The following SPIRE1 variants were observed in gnomAD, a reference collection of about 807,000 sequenced individuals.
The protein encoded by SPIRE1 is spire type actin nucleation factor 1, also known as protein spire homolog 1.
A neutral mutation model predicts 94.1 loss-of-function variants in SPIRE1; 40 were observed. The ratio of observed to expected loss-of-function variants is 0.43; its 90% CI spans 0.33 to 0.55. SPIRE1 has a LOEUF of 0.55. Ranked by LOEUF, SPIRE1 falls within the 20% of genes least tolerant of loss-of-function variation. SPIRE1 has a pLI of 0.06. For synonymous variants in SPIRE1, 376 were observed against 371.7 expected (o/e 1.01, Z -0.13); for missense variants, 838 against 975.2 (o/e 0.86, Z 1.87).
chr18:12,537,333 T>C (rs1179785373), intron 3 of SPIRE1, among the ~76,000 whole-genome samples: 1 of 152,244 alleles, frequency 6.6e-6, no homozygotes, highest in Non-Finnish European at 1.5e-5. Context: ...ACCCTAATCT[T>C]ACATTCCAGT....
At chr18:12,452,748 T>G in intron 14 of SPIRE1, 1 of 608,718 alleles carries the variant, frequency 1.6e-6, no homozygotes, top group East Asian at 2.7e-5. Flanking sequence ...AATTTTCTTA[T>G]TTGTCTATCC....
At chr18:12,588,605 TAAA>T (rs5823229) in intron 2 of SPIRE1, among the ~76,000 whole-genome samples, 50 of 135,498 alleles carry the variant, frequency 3.7e-4, no homozygotes, top group Admixed American at 7.4e-4. Context: ...TGTCTCACTT[TAAA>T]AAAAAAAAAA....
intron 10 of SPIRE1, among the ~76,000 whole-genome samples, chr18:12,474,148 C>T (rs1230380648): frequency 3.3e-5 from 5 of 152,186 alleles, no homozygotes; most frequent in Non-Finnish European, 7.3e-5. Flanking sequence ...TTTCCTATAT[C>T]AAGAGTGAAT....
intron 10 of SPIRE1, among the ~76,000 whole-genome samples, chr18:12,478,427 A>G (rs1176224982): frequency 1.4e-5 from 2 of 141,022 alleles, no homozygotes; most frequent in East Asian, 4.3e-4. Context: ...GTGTGAAGCG[A>G]GGGTGTGTAT....
At chr18:12,506,026 A>G (rs1335792059) in intron 6 of SPIRE1, among the ~76,000 whole-genome samples, 3 of 152,210 alleles carry the variant, frequency 2.0e-5, no homozygotes, top group Non-Finnish European at 2.9e-5. Context: ...TTTAAGCTTA[A>G]TGTACTTTCC....
intron 6 of SPIRE1, among the ~76,000 whole-genome samples, chr18:12,497,314 T>A (rs943072578): frequency 6.7e-6 from 1 of 149,812 alleles, no homozygotes; most frequent in Admixed American, 6.6e-5. Context: ...TTTTAGAAAT[T>A]TTTTTTTTAA....
At chr18:12,466,971 C>G (rs951234947) in intron 10 of SPIRE1, among the ~76,000 whole-genome samples, 1 of 152,066 alleles carries the variant, frequency 6.6e-6, no homozygotes, top group Non-Finnish European at 1.5e-5. Context: ...GCCACGTAAA[C>G]GACATAGTTC....
At chr18:12,457,442 C>T (rs1464876495) in intron 12 of SPIRE1, among the ~76,000 whole-genome samples, 1 of 152,150 alleles carries the variant, frequency 6.6e-6, no homozygotes, top group Non-Finnish European at 1.5e-5. Context: ...GCACTCAAGG[C>T]CCCAGCTAGA....
intron 4 of SPIRE1, among the ~76,000 whole-genome samples, chr18:12,532,992 TC>T: frequency 6.6e-6 from 1 of 152,078 alleles, no homozygotes; most frequent in East Asian, 1.9e-4. Context: ...AGAGGAGAGA[TC>T]GGCTTCCCGC....
chr18:12,540,099 G>A (rs1277959257), intron 3 of SPIRE1, among the ~76,000 whole-genome samples: 1 of 152,044 alleles, frequency 6.6e-6, no homozygotes, highest in Non-Finnish European at 1.5e-5. Flanking sequence ...TAAGGAAAGA[G>A]TGTCCCAGGC....
Position 12,525,209 on chromosome 18 carries a change from G to A in SPIRE1, c.729+10267C>T, listed in dbSNP as rs1323948165. Among the ~76,000 whole-genome samples, 4 of 143,670 alleles carry A rather than the reference G, an allele frequency of 2.8e-5. No individual in the cohort carries two copies. The South Asian group carries it at 8.7e-4, about 31-fold the overall frequency. The allele number at this position is 143,670 out of a possible 152,430, so 94.3% of individuals were successfully genotyped here. A position where few individuals can be genotyped will look rare whatever the true frequency, so the allele number is the denominator to read the frequency against. ...GGAGAATGGCGTGAACCCGGAAGGC[G>A]GAGCTTGCAGTGAGCTGAGATCATG... On this transcript the variant is annotated intron_variant, in intron 4 of 16. Coordinates refer to ENST00000409402, the MANE Select transcript of SPIRE1 (RefSeq NM_001128626.2).
At chr18:12,474,517 T>C (rs1235977954) in intron 10 of SPIRE1, among the ~76,000 whole-genome samples, 2 of 152,186 alleles carry the variant, frequency 1.3e-5, no homozygotes, top group African/African-American at 4.8e-5. Context: ...AGAAAAAGTT[T>C]TGGCACTTAA....
At chr18:12,472,484 C>T (rs1447156088) in intron 10 of SPIRE1, among the ~76,000 whole-genome samples, 3 of 151,304 alleles carry the variant, frequency 2.0e-5, no homozygotes, top group African/African-American at 7.3e-5. Context: ...CCTCCCACCT[C>T]AGCCTCCCAA....
At chr18:12,565,571 A>G (rs1372668003) in intron 2 of SPIRE1, among the ~76,000 whole-genome samples, 1 of 151,828 alleles carries the variant, frequency 6.6e-6, no homozygotes, top group East Asian at 2.0e-4. Flanking sequence ...ACGAGATTTC[A>G]CCACGTTGGT....
intron 2 of SPIRE1, among the ~76,000 whole-genome samples, chr18:12,589,619 T>C (rs1262258161): frequency 6.6e-6 from 1 of 152,160 alleles, no homozygotes; most frequent in Non-Finnish European, 1.5e-5. Context: ...TTACATTTCA[T>C]CATTTCTAAA....
rs1185581780 is a variant in SPIRE1 at position 12,464,915 on chromosome 18, G to A, written c.1448C>T (p.Pro483Leu). The A allele has an allele frequency of 1.9e-6, 3 of 1,613,850 alleles. No individual in the cohort carries two copies. The highest frequency in any genetic ancestry group is 4.5e-5 in the East Asian group (2 of 44,888). ...CAGGACTGGCTCTTCAGGGAAAGAGGGAGACACGCTGCTGCTGCTGGTCGA... is the reference window on the plus strand; with the variant it reads ...CAGGACTGGCTCTTCAGGGAAAGAGAGAGACACGCTGCTGCTGCTGGTCGA... ...HKSTSSSSVS[P>L]SFPEEPVLEA... Residue 483 changes from proline (P) to leucine (L), a missense_variant, in exon 11 of 17, where the codon CCC (proline) becomes CTC (leucine). Physicochemically the swap from Pro to Leu is moderately conservative, Grantham distance 98. Transcript: ENST00000409402.
chr18:12,655,945 C>G (rs2038527229), intron 1 of SPIRE1, among the ~76,000 whole-genome samples: 1 of 152,160 alleles, frequency 6.6e-6, no homozygotes, highest in Non-Finnish European at 1.5e-5. Flanking sequence ...GTCACCCAGG[C>G]TGGAGTGCAG....
At chr18:12,475,369 G>T (rs370212698) in intron 10 of SPIRE1, among the ~76,000 whole-genome samples, 88 of 152,224 alleles carry the variant, frequency 5.8e-4, no homozygotes, top group African/African-American at 1.8e-3. Flanking sequence ...CTAAGCACTT[G>T]GAATGATTCT....
At chr18:12,630,206 A>G (rs1201774867) in intron 2 of SPIRE1, among the ~76,000 whole-genome samples, 1 of 152,204 alleles carries the variant, frequency 6.6e-6, no homozygotes, top group Non-Finnish European at 1.5e-5. Flanking sequence ...AGGGTCCTAA[A>G]ACCCCAGAGA....
Sources: allele counts gnomAD v4.1 joint callset (sites outside exome capture counted in the v4.1 genomes callset), GRCh38; gene constraint gnomAD v4.1.1; transcripts MANE v1.5; gene names NCBI Gene and HGNC (gene_info 2026-07-23, HGNC 2026-07-21).